Variants in POC1B observed in about 807,000 individuals in gnomAD.
POC1B encodes POC1 centriolar protein homolog B.
Under a neutral mutation model 60.6 loss-of-function variants are expected in POC1B, and 44 were observed. The observed-to-expected ratio is 0.73, with a 90% CI of 0.57 to 0.93. The LOEUF (loss-of-function observed/expected upper bound fraction) is 0.93. Among genes scored for constraint, POC1B ranks in the 40% least tolerant of loss-of-function variants. POC1B has a pLI of 0.00. For missense variants in POC1B, 555 were observed against 572.3 expected (o/e 0.97, Z 0.31); for synonymous variants, 180 against 198.9 (o/e 0.90, Z 0.80).
chr12:89,502,183 T>C (rs977825190), intron 2 of POC1B: 21 of 1,151,352 alleles, frequency 1.8e-5, no homozygotes, highest in South Asian at 7.7e-5. Context: ...TAATAATTAT[T>C]TAATGTCTGG....
intron 2 of POC1B, chr12:89,501,469 A>G: frequency 9.9e-7 from 1 of 1,008,972 alleles, no homozygotes; most frequent in Admixed American, 2.1e-5. Context: ...CAAATTTCAA[A>G]GAAATTCAGA....
At chr12:89,514,721 TA>T (rs1421464082) in intron 2 of POC1B, among the ~76,000 whole-genome samples, 1 of 152,076 alleles carries the variant, frequency 6.6e-6, no homozygotes, top group Non-Finnish European at 1.5e-5. Context: ...GGTATTTCTT[TA>T]TTGCAGTAGG....
Position 89,460,215 on chromosome 12 carries a change from C to T in POC1B, c.1033-497G>A, listed in dbSNP as rs145119349. ...AATCAACTGCATTTCTGCATTCTAG[C>T]ACACAGTTAGAAAATGCAAAATTTT... On this transcript the variant is annotated intron_variant, in intron 9 of 11. Coordinates refer to ENST00000313546, the MANE Select transcript of POC1B (RefSeq NM_172240.3). 1.3e-3 allele frequency among the ~76,000 whole-genome samples: 196 copies of T among 152,050 alleles called. 1 individual carries two copies. The highest frequency in any genetic ancestry group is 4.4e-3 in the African/African-American group (184 of 41,504).
At chr12:89,462,537 A>G (rs574103276) in intron 9 of POC1B, among the ~76,000 whole-genome samples, 63 of 152,336 alleles carry the variant, frequency 4.1e-4, no homozygotes, top group African/African-American at 1.4e-3. Context: ...AGCCTTCACT[A>G]GACTACAAGC....
intron 2 of POC1B, chr12:89,500,020 C>A: frequency 1.0e-6 from 1 of 987,216 alleles, no homozygotes; most frequent in Non-Finnish European, 1.6e-6. Context: ...TCATTTCTTG[C>A]TCGGCCTCCT....
chr12:89,470,397 T>C lies in POC1B; in HGVS notation c.774A>G (p.Leu258=). 2 of 1,596,070 alleles carry C rather than the reference T, an allele frequency of 1.3e-6. No individual in the cohort carries two copies. Among genetic ancestry groups the C allele is most frequent in the Non-Finnish European group, 1.7e-6 (2 of 1,166,848 alleles). The change falls in exon 7 of 12, where the codon TTA becomes TTG. Residue 258 remains leucine (L), a synonymous_variant. Coordinates refer to ENST00000313546, the MANE Select transcript of POC1B (RefSeq NM_172240.3). ...GAAGTGTATAGATGAGCCTTCCTTC[T>C]AAGAGGTCCAGAATCTTAAGGGTAC... ...SDGTLKILDL[L]EGRLIYTLQG...
chr12:89,523,857 C>G (rs1317379619), intron 2 of POC1B: 1 of 1,556,126 alleles, frequency 6.4e-7, no homozygotes, highest in Non-Finnish European at 8.6e-7. Flanking sequence ...CGGAATTACA[C>G]TCACAGTGAC....
At chr12:89,442,604 G>A (rs1432089743) in intron 10 of POC1B, among the ~76,000 whole-genome samples, 2 of 152,144 alleles carry the variant, frequency 1.3e-5, no homozygotes, top group South Asian at 2.1e-4. Flanking sequence ...CCTGAAGGAA[G>A]CACTAAACAT....
chr12:89,467,137 A>G (rs1464471541), intron 8 of POC1B, among the ~76,000 whole-genome samples: 2 of 152,134 alleles, frequency 1.3e-5, no homozygotes, highest in African/African-American at 4.8e-5. Flanking sequence ...TTTAAAATTC[A>G]TATTAAGAAA....
chr12:89,523,999 G>C, intron 2 of POC1B: 1 of 1,613,784 alleles, frequency 6.2e-7, no homozygotes, highest in Non-Finnish European at 8.5e-7. Flanking sequence ...TTCAAGTTGT[G>C]TCTTCAAATA....
At chr12:89,449,990 G>T (rs889156770) in intron 10 of POC1B, among the ~76,000 whole-genome samples, 6 of 152,078 alleles carry the variant, frequency 3.9e-5, no homozygotes, top group Admixed American at 3.9e-4. Context: ...AATACATATG[G>T]ATTTTAAGGT....
At position 89,448,324 on chromosome 12, in the gene POC1B, C is replaced by T. The variant is rs545377125; in HGVS notation, c.1113+11314G>A. Among the ~76,000 whole-genome samples the T allele has an allele frequency of 5.9e-5, 9 of 152,226 alleles. No individual in the cohort carries two copies. In the East Asian group the frequency reaches 7.7e-4, roughly 13 times the overall value. ...AAAACCCAACCAGCCAACCACACAA[C>T]AGCAACAAAAGGCCAATTTAAAATA... On this transcript the variant is annotated intron_variant, in intron 10 of 11. Transcript: ENST00000313546.
chr12:89,524,197 T>A lies in POC1B; in HGVS notation c.100+923A>T. On this transcript the variant is annotated intron_variant, in intron 2 of 11. Transcript: ENST00000313546. ...GGACTTACACTCATACATTCTTTTATCCTCTATGTGTCGATGCAGGGAAAT... is the reference window on the plus strand; with the variant it reads ...GGACTTACACTCATACATTCTTTTAACCTCTATGTGTCGATGCAGGGAAAT... 6.2e-7 allele frequency: 1 copy of A among 1,614,034 alleles called. No individual in the cohort carries two copies. Among genetic ancestry groups the A allele is most frequent in the Non-Finnish European group, 8.5e-7 (1 of 1,179,902 alleles).
intron 2 of POC1B, chr12:89,524,720 C>A (rs1252573958): frequency 4.3e-6 from 3 of 694,686 alleles, no homozygotes; most frequent in South Asian, 3.8e-5. Flanking sequence ...TGAGCCCTCT[C>A]GGTCCTCGGC....
chr12:89,497,259 C>T lies in POC1B; in HGVS notation c.184G>A (p.Val62Ile). The T allele has an allele frequency of 1.2e-6, 2 of 1,613,508 alleles. No individual in the cohort carries two copies. The highest frequency in any genetic ancestry group is 2.2e-5 in the East Asian group (1 of 44,888). The change falls in exon 3 of 12, where the codon GTT (valine) becomes ATT (isoleucine). Residue 62 changes from valine (V) to isoleucine (I), a missense_variant. By Grantham distance (29) the Val-to-Ile change is conservative. Coordinates refer to ENST00000313546, the MANE Select transcript of POC1B (RefSeq NM_172240.3). ...GGAGAAAACTGCACGCTGGTTACAA[C>T]ATCCTTGTGACCCACATATCTGTAA... is the stretch of plus-strand genomic sequence containing the variant. Reference protein sequence around the residue: ...RAYRYVGHKDVVTSVQFSPHG... With the variant: ...RAYRYVGHKDIVTSVQFSPHG...
At chr12:89,436,827 A>G (rs1333836760) in intron 10 of POC1B, among the ~76,000 whole-genome samples, 1 of 152,144 alleles carries the variant, frequency 6.6e-6, no homozygotes, top group Non-Finnish European at 1.5e-5. Context: ...TATCATAATC[A>G]TTATCGAATA....
At chr12:89,495,969 C>T (rs1416847293) in intron 3 of POC1B, among the ~76,000 whole-genome samples, 1 of 152,092 alleles carries the variant, frequency 6.6e-6, no homozygotes, top group Non-Finnish European at 1.5e-5. Flanking sequence ...CCATGTTGGC[C>T]AGGCTGGTTT....
intron 4 of POC1B, among the ~76,000 whole-genome samples, chr12:89,484,295 T>C (rs1388789479): frequency 1.3e-5 from 2 of 152,188 alleles, no homozygotes; most frequent in African/African-American, 2.4e-5. Context: ...ACTGATTACA[T>C]AAATTTAAAC....
chr12:89,434,000 A>C (rs1248549601), intron 10 of POC1B, among the ~76,000 whole-genome samples: 3 of 152,234 alleles, frequency 2.0e-5, no homozygotes, highest in Non-Finnish European at 4.4e-5. Flanking sequence ...TCCTGAAGGA[A>C]AAAATGACAA....
Sources: allele counts gnomAD v4.1 joint callset (sites outside exome capture counted in the v4.1 genomes callset), GRCh38; gene constraint gnomAD v4.1.1; transcripts MANE v1.5; gene names NCBI Gene and HGNC (gene_info 2026-07-23, HGNC 2026-07-21).